PHLPP2: variants seen among roughly 807,000 people sequenced by gnomAD.
PHLPP2 encodes PH domain and leucine rich repeat protein phosphatase 2.
Under a neutral mutation model 124.9 loss-of-function variants are expected in PHLPP2, and 66 were observed. The observed-to-expected ratio is 0.53, with a 90% CI of 0.43 to 0.65. The LOEUF (loss-of-function observed/expected upper bound fraction) is 0.65. PHLPP2 is among the 30% of genes least tolerant of loss of function. PHLPP2 has a pLI of 0.00. For missense variants in PHLPP2, 1,685 were observed against 1,600.4 expected (o/e 1.05, Z -0.90); for synonymous variants, 681 against 624.7 (o/e 1.09, Z -1.34).
At chr16:71,686,199 C>T (rs1225815830) in intron 4 of PHLPP2, among the ~76,000 whole-genome samples, 1 of 152,100 alleles carries the variant, frequency 6.6e-6, no homozygotes, top group Non-Finnish European at 1.5e-5. Context: ...TTTTTTGAAA[C>T]AGGCCACTCT....
intron 6 of PHLPP2, among the ~76,000 whole-genome samples, chr16:71,680,747 G>T (rs1032539127): frequency 6.6e-6 from 1 of 152,162 alleles, no homozygotes; most frequent in African/African-American, 2.4e-5. Context: ...ATTTCCGGAT[G>T]ACCTAACCTT....
intron 1 of PHLPP2, among the ~76,000 whole-genome samples, chr16:71,717,972 G>C (rs1182411958): frequency 2.0e-5 from 3 of 152,182 alleles, no homozygotes; most frequent in Admixed American, 2.0e-4. Flanking sequence ...GCCCACGGCA[G>C]CTTCGAACTC....
chr16:71,712,663 G>C (rs912148153), intron 2 of PHLPP2, among the ~76,000 whole-genome samples: 1 of 152,186 alleles, frequency 6.6e-6, no homozygotes, highest in Non-Finnish European at 1.5e-5. Context: ...AGCAAATGTA[G>C]TAAACTGGTG....
At chr16:71,687,489 T>C (rs570221789) in intron 4 of PHLPP2, among the ~76,000 whole-genome samples, 1 of 152,200 alleles carries the variant, frequency 6.6e-6, no homozygotes, top group South Asian at 2.1e-4. Flanking sequence ...TAAAATAACA[T>C]CTGACTATCA....
At chr16:71,715,843 A>C (rs2045359274) in intron 1 of PHLPP2, among the ~76,000 whole-genome samples, 1 of 151,236 alleles carries the variant, frequency 6.6e-6, no homozygotes, top group Non-Finnish European at 1.5e-5. Flanking sequence ...AAAAAAACAA[A>C]AAATTAGCCG....
At chr16:71,654,102 G>T (rs1189010589) in intron 17 of PHLPP2, among the ~76,000 whole-genome samples, 1 of 151,342 alleles carries the variant, frequency 6.6e-6, no homozygotes, top group Non-Finnish European at 1.5e-5. Flanking sequence ...GGCTGAGGCA[G>T]GAGAATGGCG....
chr16:71,723,892 G>T (rs191759405), intron 1 of PHLPP2: 18 of 975,628 alleles, frequency 1.8e-5, no homozygotes, highest in Non-Finnish European at 2.0e-5. Flanking sequence ...TCACAGAGAC[G>T]CCCGGCCCGC....
intron 2 of PHLPP2, among the ~76,000 whole-genome samples, chr16:71,703,825 GC>G (rs1454396203): frequency 1.3e-5 from 2 of 152,076 alleles, no homozygotes; most frequent in African/African-American, 4.8e-5. Context: ...AAAGTGCTTA[GC>G]AAAATATCTC....
At chr16:71,717,524 T>C (rs900194515) in intron 1 of PHLPP2, among the ~76,000 whole-genome samples, 1 of 152,170 alleles carries the variant, frequency 6.6e-6, no homozygotes, top group Admixed American at 6.5e-5. Flanking sequence ...GCTGAACATC[T>C]CAGAATGAAA....
chr16:71,663,934 G>A lies in PHLPP2; in HGVS notation c.1950C>T (p.His650=). ...LVGHLHLRIL[H]LANNQLQTFP... ...AGGTCTGTAACTGATTGTTTGCAAGGTGCAAGATTCGCAGGTGCAGGTGCC... is the reference window on the plus strand; with the variant it reads ...AGGTCTGTAACTGATTGTTTGCAAGATGCAAGATTCGCAGGTGCAGGTGCC... The change falls in exon 13 of 19, where the codon CAC becomes CAT. Residue 650 remains histidine, a synonymous_variant. Transcript: ENST00000568954. 6.2e-7 allele frequency: 1 copy of A among 1,614,138 alleles called. No homozygotes were observed. The highest frequency in any genetic ancestry group is 8.5e-7 in the Non-Finnish European group (1 of 1,179,968).
intron 8 of PHLPP2, chr16:71,678,171 A>T (rs1397243965): frequency 6.6e-6 from 1 of 152,212 alleles, no homozygotes; most frequent in Non-Finnish European, 1.5e-5. Context: ...TCTATAAAAA[A>T]TTTTTAAAAT....
At chr16:71,710,682 C>T (rs796456593) in intron 2 of PHLPP2, among the ~76,000 whole-genome samples, 11 of 152,338 alleles carry the variant, frequency 7.2e-5, no homozygotes, top group African/African-American at 2.6e-4. Flanking sequence ...CCACCTAAAC[C>T]TACTGAATCA....
chr16:71,709,542 TAAC>T (rs1269442703), intron 2 of PHLPP2, among the ~76,000 whole-genome samples: 4 of 152,344 alleles, frequency 2.6e-5, no homozygotes, highest in Admixed American at 6.5e-5. Context: ...CAAATGATCT[TAAC>T]AACTTTTCAG....
intron 3 of PHLPP2, among the ~76,000 whole-genome samples, chr16:71,700,002 G>A (rs376033259): frequency 6.6e-5 from 10 of 152,154 alleles, no homozygotes; most frequent in South Asian, 4.1e-4. Flanking sequence ...ATTCACCTGC[G>A]CATTCCCTCC....
In PHLPP2 at chr16:71,649,056, A is replaced by G; in HGVS notation, c.3806T>C (p.Phe1269Ser). Reference protein sequence around the residue: ...TEVPKRKTGYFAAPTQMEPED... With the variant: ...TEVPKRKTGYSAAPTQMEPED... Reference sequence around the variant, plus strand: ...TGGTTCCATCTGAGTGGGGGCAGCAAAATAGCCAGTTTTCCTCTTGGGCAC... The same window carrying G: ...TGGTTCCATCTGAGTGGGGGCAGCAGAATAGCCAGTTTTCCTCTTGGGCAC... Residue 1269 changes from phenylalanine (F) to serine (S), a missense_variant, in exon 19 of 19, where the codon TTT becomes TCT. Physicochemically the swap from Phe to Ser is radical, Grantham distance 155. Transcript: ENST00000568954. 1.2e-6 allele frequency: 2 copies of G among 1,614,184 alleles called. No homozygotes were observed. Among genetic ancestry groups the G allele is most frequent in the Non-Finnish European group, 1.7e-6 (2 of 1,180,042 alleles).
chr16:71,659,408 C>T (rs1179784451), intron 13 of PHLPP2, among the ~76,000 whole-genome samples: 3 of 152,040 alleles, frequency 2.0e-5, no homozygotes, highest in Non-Finnish European at 4.4e-5. Context: ...TGCGCCACCA[C>T]GCCCGGCTAA....
chr16:71,701,276 CTAT>C (rs2045229936), intron 3 of PHLPP2, among the ~76,000 whole-genome samples: 1 of 44,082 alleles, frequency 2.3e-5, no homozygotes, highest in Non-Finnish European at 5.0e-5. Flanking sequence ...ATCTATCTAT[CTAT>C]CTATCTATCT....
intron 1 of PHLPP2, 41 bp from the exon 2 acceptor site, chr16:71,714,842 C>G: frequency 6.3e-7 from 1 of 1,579,346 alleles, no homozygotes; most frequent in South Asian, 1.2e-5. Flanking sequence ...GCTAGAACAT[C>G]TGACTGAATT....
chr16:71,699,985 C>T (rs1016047808), intron 3 of PHLPP2, among the ~76,000 whole-genome samples: 56 of 152,228 alleles, frequency 3.7e-4, no homozygotes, highest in African/African-American at 1.3e-3. Context: ...AGCCAGTTCA[C>T]GCACTCATTC....
Sources: gnomAD v4.1 joint callset for allele counts (sites outside exome capture counted in the v4.1 genomes callset) on GRCh38, gnomAD v4.1.1 for gene constraint, MANE v1.5 for transcripts, NCBI Gene and HGNC (gene_info 2026-07-23, HGNC 2026-07-21) for gene names.